Variants in PELI1 observed in about 807,000 individuals in gnomAD.
PELI1 encodes E3 ubiquitin-protein ligase pellino homolog 1.
A neutral mutation model predicts 41.3 loss-of-function variants in PELI1; 15 were observed. The ratio of observed to expected loss-of-function variants is 0.36; its 90% CI spans 0.24 to 0.56. PELI1 has a LOEUF of 0.56. PELI1 is among the 20% of genes least tolerant of loss of function. The pLI is 0.82. For missense variants in PELI1, 403 were observed against 525.5 expected (o/e 0.77, Z 2.28); for synonymous variants, 178 against 180.1 (o/e 0.99, Z 0.09).
At chr2:64,130,677 C>T (rs2103734816) in intron 1 of PELI1, among the ~76,000 whole-genome samples, 1 of 152,240 alleles carries the variant, frequency 6.6e-6, no homozygotes, top group African/African-American at 2.4e-5. Context: ...TAAATTAGAT[C>T]TTACGAAATC....
chr2:64,116,094 CAT>C (rs1299966755), intron 1 of PELI1, among the ~76,000 whole-genome samples: 1 of 152,110 alleles, frequency 6.6e-6, no homozygotes, highest in Non-Finnish European at 1.5e-5. Context: ...GGAAGAAAAA[CAT>C]ACACATTAGA....
intron 1 of PELI1, among the ~76,000 whole-genome samples, chr2:64,135,211 T>C (rs1576103362): frequency 6.6e-6 from 1 of 152,136 alleles, no homozygotes; most frequent in East Asian, 1.9e-4. Context: ...CAAACTTTGC[T>C]AGTTTAGGTA....
intron 1 of PELI1, among the ~76,000 whole-genome samples, chr2:64,128,552 C>G (rs1235986848): frequency 6.6e-6 from 1 of 152,052 alleles, no homozygotes; most frequent in Non-Finnish European, 1.5e-5. Flanking sequence ...CCCAAAAATC[C>G]CTAAAATTTT....
intron 4 of PELI1, among the ~76,000 whole-genome samples, chr2:64,099,478 C>A (rs1680352946): frequency 6.6e-6 from 1 of 152,052 alleles, no homozygotes; most frequent in Admixed American, 6.5e-5. Flanking sequence ...GTGAGGAAAA[C>A]ATAATAAATG....
At chr2:64,125,508 A>G (rs1170694959) in intron 1 of PELI1, among the ~76,000 whole-genome samples, 1 of 152,204 alleles carries the variant, frequency 6.6e-6, no homozygotes, top group East Asian at 1.9e-4. Flanking sequence ...ATATAATCCC[A>G]TGACCAATAA....
At chr2:64,118,595 CT>C (rs536684576) in intron 1 of PELI1, among the ~76,000 whole-genome samples, 56 of 152,302 alleles carry the variant, frequency 3.7e-4, no homozygotes, top group African/African-American at 1.1e-3. Flanking sequence ...AAGACTCCCC[CT>C]AATCAATTAT....
At chr2:64,112,354 A>C (rs1273738198) in intron 1 of PELI1, among the ~76,000 whole-genome samples, 1 of 152,242 alleles carries the variant, frequency 6.6e-6, no homozygotes, top group Non-Finnish European at 1.5e-5. Context: ...ATAAGCGACC[A>C]TTTGGTCCTG....
intron 3 of PELI1, among the ~76,000 whole-genome samples, chr2:64,102,542 CA>C (rs1453905075): frequency 3.3e-5 from 5 of 152,146 alleles, no homozygotes. Context: ...CCCCGTTAAA[CA>C]GCTCACTTTT....
chr2:64,129,552 G>A (rs1681489843), intron 1 of PELI1, among the ~76,000 whole-genome samples: 1 of 152,014 alleles, frequency 6.6e-6, no homozygotes, highest in South Asian at 2.1e-4. Context: ...TTTTCAAAAA[G>A]AGGACTTTAT....
At chr2:64,113,350 G>T (rs530493342) in intron 1 of PELI1, among the ~76,000 whole-genome samples, 1 of 151,598 alleles carries the variant, frequency 6.6e-6, no homozygotes, top group East Asian at 1.9e-4. Context: ...CTTTAAATGA[G>T]TATGTACATA....
intron 1 of PELI1, among the ~76,000 whole-genome samples, chr2:64,129,083 TCATA>T (rs1258414888): frequency 6.6e-6 from 1 of 152,218 alleles, no homozygotes; most frequent in Non-Finnish European, 1.5e-5. Context: ...ATTAGGCTAT[TCATA>T]CACTTACTGA....
intron 1 of PELI1, among the ~76,000 whole-genome samples, chr2:64,119,686 A>C (rs944516522): frequency 2.0e-5 from 3 of 152,246 alleles, no homozygotes; most frequent in African/African-American, 7.2e-5. Context: ...GGAAGCACAG[A>C]GCAATTTTTT....
At position 64,092,863 on chromosome 2, in the gene PELI1, T is replaced by G. The variant is rs1680100894; in HGVS notation, c.*1839A>C. On this transcript the variant is annotated 3_prime_UTR_variant, in exon 7 of 7. Coordinates refer to ENST00000358912, the MANE Select transcript of PELI1 (RefSeq NM_020651.4). Reference sequence around the variant, plus strand: ...TCACAGAGACGAATTCAATTATGTATTTTGAAAAGTATTTACTTAGTTTAA... The same window carrying G: ...TCACAGAGACGAATTCAATTATGTAGTTTGAAAAGTATTTACTTAGTTTAA... 1 of 152,248 alleles carries G rather than the reference T, an allele frequency of 6.6e-6. No homozygotes were observed. Among genetic ancestry groups the G allele is most frequent in the Non-Finnish European group, 1.5e-5 (1 of 68,038 alleles). The allele number at this position is 152,248 out of a possible 1,614,324, so 9.4% of individuals were successfully genotyped here.
intron 1 of PELI1, among the ~76,000 whole-genome samples, chr2:64,143,050 TG>T (rs1489626077): frequency 6.6e-6 from 1 of 152,236 alleles, no homozygotes; most frequent in African/African-American, 2.4e-5. Flanking sequence ...GGAATATTGT[TG>T]GTGCTGTTAA....
intron 1 of PELI1, among the ~76,000 whole-genome samples, chr2:64,121,271 T>C (rs1681200776): frequency 6.6e-6 from 1 of 152,210 alleles, no homozygotes; most frequent in Non-Finnish European, 1.5e-5. Context: ...ACATGACAAA[T>C]TTAATATTCA....
intron 1 of PELI1, among the ~76,000 whole-genome samples, chr2:64,127,866 C>T (rs1249002285): frequency 6.6e-6 from 1 of 151,988 alleles, no homozygotes; most frequent in East Asian, 1.9e-4. Flanking sequence ...ATCTTTTTTC[C>T]TTTTTTCAAA....
chr2:64,124,687 T>C (rs1408137605), intron 1 of PELI1, among the ~76,000 whole-genome samples: 1 of 152,252 alleles, frequency 6.6e-6, no homozygotes, highest in Non-Finnish European at 1.5e-5. Context: ...TGTGCTTTTT[T>C]GTTTATGTTT....
intron 1 of PELI1, among the ~76,000 whole-genome samples, chr2:64,138,132 T>C (rs1681779268): frequency 6.6e-6 from 1 of 152,152 alleles, no homozygotes; most frequent in Non-Finnish European, 1.5e-5. Context: ...AGACAGGATC[T>C]GGTTATGCTG....
At chr2:64,099,677 A>T (rs902403825) in intron 4 of PELI1, among the ~76,000 whole-genome samples, 6 of 152,214 alleles carry the variant, frequency 3.9e-5, no homozygotes, top group Admixed American at 3.9e-4. Context: ...ATAATTATAA[A>T]AGCAACATTA....
Sources: gnomAD v4.1 joint callset for allele counts (sites outside exome capture counted in the v4.1 genomes callset) on GRCh38, gnomAD v4.1.1 for gene constraint, MANE v1.5 for transcripts, NCBI Gene and HGNC (gene_info 2026-07-23, HGNC 2026-07-21) for gene names.